Variants in AVEN observed in about 807,000 individuals in gnomAD.
AVEN encodes apoptosis and caspase activation inhibitor, also known as cell death regulator Aven.
AVEN carries 41 observed loss-of-function variants against 38.1 expected under a neutral mutation model. The ratio of observed to expected loss-of-function variants is 1.08; its 90% CI spans 0.84 to 1.40. AVEN has a LOEUF of 1.40. Among genes scored for constraint, AVEN ranks in the 40% most tolerant of loss-of-function variants. The pLI, the probability that AVEN is intolerant of heterozygous loss-of-function variation, is 0.00. For missense variants in AVEN, 605 were observed against 438.8 expected, an observed-to-expected ratio of 1.38 and a Z score of -3.38; for synonymous variants, 206 against 171.8, an observed-to-expected ratio of 1.20 and a Z score of -1.56.
intron 2 of AVEN, among the ~76,000 whole-genome samples, chr15:33,901,216 G>A (rs1892486754): frequency 6.6e-6 from 1 of 152,140 alleles, no homozygotes; most frequent in Admixed American, 6.5e-5. Context: ...GCAGTGAGCG[G>A]AGATCGCACC....
At chr15:33,858,066 C>G (rs1000299395), downstream of AVEN, 4 of 1,002,662 alleles carry the variant, frequency 4.0e-6, no homozygotes, top group South Asian at 6.8e-5. Context: ...AGACAGATGT[C>G]TTCTCCAAAC....
At chr15:33,866,092 A>G (rs2153031945), downstream of AVEN, 1 of 158,426 alleles carries the variant, frequency 6.3e-6, no homozygotes, top group African/African-American at 2.4e-5. Context: ...ATAAAGTAAT[A>G]CGTACCAATA....
intron 2 of AVEN, among the ~76,000 whole-genome samples, chr15:34,069,241 G>A (rs938391066): frequency 1.3e-5 from 2 of 152,004 alleles, no homozygotes; most frequent in South Asian, 2.1e-4. Context: ...CCAACATGGT[G>A]AAACCCTGTC....
intron 2 of AVEN, among the ~76,000 whole-genome samples, chr15:33,940,473 G>A (rs1186117831): frequency 1.3e-5 from 2 of 152,100 alleles, no homozygotes; most frequent in Admixed American, 6.5e-5. Flanking sequence ...AAGTATGCCG[G>A]TCATACCTAT....
chr15:34,030,320 T>C (rs561759804), intron 1 of AVEN, among the ~76,000 whole-genome samples: 1 of 152,260 alleles, frequency 6.6e-6, no homozygotes, highest in African/African-American at 2.4e-5. Context: ...ATGAAACTTT[T>C]TGAGAATACT....
At chr15:33,913,415 A>C (rs1405468806) in intron 2 of AVEN, among the ~76,000 whole-genome samples, 16 of 152,160 alleles carry the variant, frequency 1.1e-4, no homozygotes, top group Admixed American at 1.0e-3. Context: ...GACAACCAAA[A>C]CATCATTAAT....
chr15:33,904,353 G>A (rs147046594), intron 2 of AVEN, among the ~76,000 whole-genome samples: 41 of 152,276 alleles, frequency 2.7e-4, no homozygotes, highest in Non-Finnish European at 4.1e-4. Flanking sequence ...CCAGGAGTTC[G>A]AAACTGCAGT....
intron 1 of AVEN, among the ~76,000 whole-genome samples, chr15:34,004,642 A>G (rs1897265040): frequency 6.6e-6 from 1 of 152,170 alleles, no homozygotes; most frequent in Non-Finnish European, 1.5e-5. Context: ...TGAACTCTTT[A>G]TGGATGAAAA....
intron 2 of AVEN, among the ~76,000 whole-genome samples, chr15:33,949,907 C>T (rs1894669963): frequency 6.6e-6 from 1 of 152,176 alleles, no homozygotes; most frequent in South Asian, 2.1e-4. Context: ...AAGATACCTG[C>T]ACTCCCATGT....
intron 2 of AVEN, among the ~76,000 whole-genome samples, chr15:33,899,483 T>TTTTC (rs1345337127): frequency 6.7e-5 from 4 of 59,928 alleles, no homozygotes; most frequent in African/African-American, 1.9e-4. Flanking sequence ...TTTTTTTTTT[T>TTTTC]TTTTGAGACG....
chr15:33,876,584 T>A (rs575317437), intron 2 of AVEN, among the ~76,000 whole-genome samples: 176 of 151,726 alleles, frequency 1.2e-3, no homozygotes, highest in African/African-American at 3.7e-3. Context: ...AAAAAAAAAA[T>A]TATTACATAA....
chr15:34,023,029 A>G (rs977640615), intron 1 of AVEN, among the ~76,000 whole-genome samples: 3 of 152,262 alleles, frequency 2.0e-5, no homozygotes, highest in African/African-American at 4.8e-5. Context: ...TCTACTAAAA[A>G]CACAAAAATT....
intron 2 of AVEN, among the ~76,000 whole-genome samples, chr15:33,906,285 A>G (rs1892697080): frequency 6.6e-6 from 1 of 152,232 alleles, no homozygotes; most frequent in Non-Finnish European, 1.5e-5. Flanking sequence ...CCAGTGTATT[A>G]CACAAGATAC....
chr15:34,038,296 T>C (rs934311241), intron 1 of AVEN, among the ~76,000 whole-genome samples: 9 of 152,218 alleles, frequency 5.9e-5, no homozygotes, highest in African/African-American at 1.7e-4. Flanking sequence ...ATTATGCGCC[T>C]ACTGTGTACT....
At chr15:34,042,034 G>A (rs1013397523), upstream of AVEN, among the ~76,000 whole-genome samples, 2 of 152,140 alleles carry the variant, frequency 1.3e-5, no homozygotes, top group African/African-American at 2.4e-5. Flanking sequence ...TTCCTAATTA[G>A]CGGACACAAC....
At chr15:34,007,527 T>C (rs1897409072) in intron 1 of AVEN, among the ~76,000 whole-genome samples, 1 of 152,178 alleles carries the variant, frequency 6.6e-6, no homozygotes, top group African/African-American at 2.4e-5. Flanking sequence ...TTAATGTCCA[T>C]ATTTCTACCA....
intron 1 of AVEN, among the ~76,000 whole-genome samples, chr15:34,005,546 C>T (rs953996324): frequency 6.6e-6 from 1 of 152,190 alleles, no homozygotes; most frequent in Non-Finnish European, 1.5e-5. Flanking sequence ...CCCTTTGTTA[C>T]AGCACATAAG....
intron 2 of AVEN, among the ~76,000 whole-genome samples, chr15:33,889,788 CT>C (rs1333423303): frequency 1.3e-5 from 2 of 152,154 alleles, no homozygotes; most frequent in Non-Finnish European, 2.9e-5. Flanking sequence ...GATTTTTATT[CT>C]TTTTCAGGTC....
intron 11 of AVEN, chr15:33,859,442 G>A: frequency 1.2e-6 from 1 of 843,568 alleles, no homozygotes; most frequent in Non-Finnish European, 1.9e-6. Flanking sequence ...CATGAATACT[G>A]GCACCTCTGA....
Sources: gnomAD v4.1 joint callset for allele counts (sites outside exome capture counted in the v4.1 genomes callset) on GRCh38, gnomAD v4.1.1 for gene constraint, MANE v1.5 for transcripts, NCBI Gene and HGNC (gene_info 2026-07-23, HGNC 2026-07-21) for gene names.